ZNF385D: variants seen among roughly 807,000 people sequenced by gnomAD.
ZNF385D encodes the protein zinc finger protein 385D, also known as zinc finger protein 659.
A neutral mutation model predicts 35.8 loss-of-function variants in ZNF385D; 15 were observed. The observed-to-expected ratio is 0.42, with a 90% CI of 0.28 to 0.64. ZNF385D has a LOEUF of 0.64. ZNF385D is among the 30% of genes least tolerant of loss of function. The probability of loss-of-function intolerance (pLI) is 0.23; values close to 1 mark genes in which losing one functional copy is unlikely to be tolerated. For synonymous variants in ZNF385D, 212 were observed against 186.8 expected (o/e 1.13, Z -1.10); for missense variants, 474 against 494.6 (o/e 0.96, Z 0.39).
chr3:21,853,830 C>G (rs1006676980), intron 3 of ZNF385D, among the ~76,000 whole-genome samples: 1 of 151,264 alleles, frequency 6.6e-6, no homozygotes, highest in Non-Finnish European at 1.5e-5. Flanking sequence ...AAATATAAAG[C>G]TGAAAACAAA....
chr3:22,290,335 C>T (rs1264019990), intron 2 of ZNF385D, among the ~76,000 whole-genome samples: 1 of 152,124 alleles, frequency 6.6e-6, no homozygotes. Flanking sequence ...AAAAGCCTCC[C>T]AAGGAGCTAA....
At chr3:21,974,649 A>T (rs1477126580) in intron 3 of ZNF385D, among the ~76,000 whole-genome samples, 1 of 152,206 alleles carries the variant, frequency 6.6e-6, no homozygotes, top group Non-Finnish European at 1.5e-5. Flanking sequence ...ACAGAATGGA[A>T]GTAAATATTT....
intron 2 of ZNF385D, among the ~76,000 whole-genome samples, chr3:21,591,342 TGAG>T (rs1163390197): frequency 2.0e-5 from 3 of 151,994 alleles, no homozygotes; most frequent in Non-Finnish European, 2.9e-5. Context: ...CAAAAGGAAA[TGAG>T]GAGTTTGTTT....
At chr3:22,362,715 T>C in intron 2 of ZNF385D, among the ~76,000 whole-genome samples, 1 of 152,108 alleles carries the variant, frequency 6.6e-6, no homozygotes. Context: ...AGATCATATT[T>C]ATAAAACTCA....
intron 2 of ZNF385D, among the ~76,000 whole-genome samples, chr3:22,305,247 C>T (rs752177261): frequency 1.3e-5 from 2 of 152,084 alleles, no homozygotes; most frequent in Non-Finnish European, 2.9e-5. Context: ...ATCTCCTTAA[C>T]ATTTATCTGC....
In ZNF385D at chr3:22,261,112, C is replaced by T. The variant is rs1213725644; in HGVS notation, c.107-92077G>A. 2.0e-5 allele frequency among the ~76,000 whole-genome samples: 3 copies of T among 151,160 alleles called. No homozygotes were observed. The East Asian group carries it at 5.9e-4, about 30-fold the overall frequency. On this transcript the variant is annotated intron_variant, in intron 2 of 5. Coordinates refer to the ZNF385D transcript ENST00000494108. ...CTATCTATCCATCCATCCATCCATC[C>T]ATCCATCCATCCATCTACACCGACC...
At chr3:21,631,337 A>G (rs2125835630) in intron 2 of ZNF385D, among the ~76,000 whole-genome samples, 1 of 152,144 alleles carries the variant, frequency 6.6e-6, no homozygotes, top group African/African-American at 2.4e-5. Flanking sequence ...ATATTTCCAG[A>G]ACACATGTCT....
At chr3:21,490,004 G>C (rs1456662378) in intron 4 of ZNF385D, among the ~76,000 whole-genome samples, 1 of 152,030 alleles carries the variant, frequency 6.6e-6, no homozygotes, top group Non-Finnish European at 1.5e-5. Context: ...CATGGCTCTG[G>C]TTTGAAGCAA....
intron 3 of ZNF385D, among the ~76,000 whole-genome samples, chr3:21,977,450 A>T (rs1703703410): frequency 6.6e-6 from 1 of 152,130 alleles, no homozygotes; most frequent in African/African-American, 2.4e-5. Flanking sequence ...CAAAGAATTA[A>T]TCAAGGGAGA....
chr3:21,901,861 A>C (rs2125899180), intron 3 of ZNF385D, among the ~76,000 whole-genome samples: 1 of 152,348 alleles, frequency 6.6e-6, no homozygotes, highest in Non-Finnish European at 1.5e-5. Flanking sequence ...TAACGAAAGA[A>C]GAATCTCAGC....
chr3:22,102,931 C>G (rs960877465), intron 3 of ZNF385D, among the ~76,000 whole-genome samples: 2 of 149,128 alleles, frequency 1.3e-5, no homozygotes, highest in Non-Finnish European at 3.0e-5. Flanking sequence ...ACGTATGTCC[C>G]TCACTCCCCA....
chr3:21,630,364 C>G (rs1213853100), intron 2 of ZNF385D, among the ~76,000 whole-genome samples: 2 of 152,008 alleles, frequency 1.3e-5, no homozygotes, highest in Admixed American at 6.6e-5. Context: ...TGCCACCACA[C>G]CCAGCTGATT....
intron 1 of ZNF385D, among the ~76,000 whole-genome samples, chr3:21,732,769 T>TC (rs2069078344): frequency 6.6e-6 from 1 of 152,230 alleles, no homozygotes; most frequent in African/African-American, 2.4e-5. Context: ...CTTGAAGTGT[T>TC]CTCTGTATAT....
chr3:21,893,467 G>A (rs1679207), intron 3 of ZNF385D, among the ~76,000 whole-genome samples: 19,762 of 152,090 alleles, frequency 0.13, 1,597 homozygotes, highest in Middle Eastern at 0.17. Context: ...CATGAGATAT[G>A]CAAAGATGAG....
chr3:21,771,831 C>T (rs2071089784), intron 3 of ZNF385D, among the ~76,000 whole-genome samples: 1 of 151,894 alleles, frequency 6.6e-6, no homozygotes, highest in African/African-American at 2.4e-5. Flanking sequence ...GATTTTAAAA[C>T]ATACTGCAAA....
intron 2 of ZNF385D, among the ~76,000 whole-genome samples, chr3:22,326,559 C>T (rs1031829188): frequency 1.3e-5 from 2 of 151,912 alleles, no homozygotes; most frequent in South Asian, 2.1e-4. Flanking sequence ...CAAGGTAGAA[C>T]GGGAAAAGAA....
chr3:22,276,060 G>A (rs1404775263), intron 2 of ZNF385D, among the ~76,000 whole-genome samples: 1 of 152,142 alleles, frequency 6.6e-6, no homozygotes, highest in African/African-American at 2.4e-5. Context: ...ACTCCAGCCT[G>A]GGTGACAGAG....
At chr3:21,566,139 G>T (rs1559412565) in intron 2 of ZNF385D, among the ~76,000 whole-genome samples, 1 of 152,132 alleles carries the variant, frequency 6.6e-6, no homozygotes, top group Non-Finnish European at 1.5e-5. Context: ...TTATTATAAT[G>T]CTTTCCATAG....
Position 21,987,479 on chromosome 3 carries a change from G to C in ZNF385D, c.325+181338C>G, listed in dbSNP as rs1370166791. ...CTGGGTTGAAAATTCTTTTCTTTAA[G>C]AATGTTGAATATTGGCCCCCACTCT... On this transcript the variant is annotated intron_variant, in intron 3 of 5. Coordinates refer to the ZNF385D transcript ENST00000494108. Among the ~76,000 whole-genome samples, 6 of 123,624 alleles carry C rather than the reference G, an allele frequency of 4.9e-5. No homozygotes were observed. The East Asian group carries it at 6.4e-4, about 13-fold the overall frequency. 81.1% of individuals were successfully genotyped at this position (123,624 alleles called of 152,430 possible).
Sources: gnomAD v4.1 joint callset for allele counts (sites outside exome capture counted in the v4.1 genomes callset) on GRCh38, gnomAD v4.1.1 for gene constraint, MANE v1.5 for transcripts, NCBI Gene and HGNC (gene_info 2026-07-23, HGNC 2026-07-21) for gene names.